The following SPHKAP variants were observed in gnomAD, a reference collection of about 807,000 sequenced individuals.
SPHKAP encodes SPHK1 interactor, AKAP domain containing, also known as A-kinase anchor protein SPHKAP.
Under a neutral mutation model 137.5 loss-of-function variants are expected in SPHKAP, and 67 were observed. The ratio of observed to expected loss-of-function variants is 0.49; its 90% CI spans 0.40 to 0.60. The LOEUF (loss-of-function observed/expected upper bound fraction) is 0.60. SPHKAP is among the 20% of genes least tolerant of loss of function. The pLI is 0.00. For missense variants in SPHKAP, 2,097 were observed against 2,069.3 expected, an observed-to-expected ratio of 1.01 and a Z score of -0.26; for synonymous variants, 813 against 785.3, an observed-to-expected ratio of 1.04 and a Z score of -0.59.
Position 228,006,541 on chromosome 2 carries a change from G to A in SPHKAP, c.4448+9865C>T, listed in dbSNP as rs190050230. On this transcript the variant is annotated intron_variant, in intron 7 of 11. Coordinates refer to ENST00000392056, the MANE Select transcript of SPHKAP (RefSeq NM_001142644.2). ...GTCTGAAGCCTTCTTCTCTCATCTCGTCAAAGTCATTCTCCGTCCAGCTTT... is the reference window on the plus strand; with the variant it reads ...GTCTGAAGCCTTCTTCTCTCATCTCATCAAAGTCATTCTCCGTCCAGCTTT... Among the ~76,000 whole-genome samples the A allele has an allele frequency of 3.4e-3, 518 of 152,198 alleles. 2 individuals are homozygous for A. The highest frequency in any genetic ancestry group is 0.014 in the Middle Eastern group (4 of 294).
chr2:227,990,880 G>T, intron 11 of SPHKAP, 120 bp downstream of exon 11: 1 of 999,684 alleles, frequency 1.0e-6, no homozygotes, highest in Non-Finnish European at 1.5e-6. Flanking sequence ...GCAATTTTAA[G>T]ATCAAGAACA....
chr2:228,007,940 C>G (rs906492792), intron 7 of SPHKAP, among the ~76,000 whole-genome samples: 1 of 152,028 alleles, frequency 6.6e-6, no homozygotes, highest in Non-Finnish European at 1.5e-5. Flanking sequence ...AATGTAAGGA[C>G]TAAAAGTATA....
intron 3 of SPHKAP, among the ~76,000 whole-genome samples, chr2:228,047,755 CTGTT>C (rs1298854947): frequency 2.0e-5 from 3 of 151,852 alleles, no homozygotes; most frequent in East Asian, 3.9e-4. Context: ...ACTAGTCTAA[CTGTT>C]TGATGATCTG....
At chr2:228,016,015 A>G (rs1187714858) in intron 7 of SPHKAP, among the ~76,000 whole-genome samples, 1 of 152,230 alleles carries the variant, frequency 6.6e-6, no homozygotes, top group Non-Finnish European at 1.5e-5. Flanking sequence ...TGAATTTTAA[A>G]AGGTAGGAAA....
intron 1 of SPHKAP, among the ~76,000 whole-genome samples, chr2:228,158,391 A>G (rs1382089693): frequency 1.3e-5 from 2 of 148,262 alleles, no homozygotes; most frequent in Non-Finnish European, 3.0e-5. Context: ...CAAGAGAGCA[A>G]TTGCATCCCA....
intron 3 of SPHKAP, among the ~76,000 whole-genome samples, chr2:228,068,394 T>C (rs1318209227): frequency 6.6e-6 from 1 of 151,770 alleles, no homozygotes; most frequent in African/African-American, 2.4e-5. Context: ...AAAATATATA[T>C]GGAACCACAA....
intron 2 of SPHKAP, among the ~76,000 whole-genome samples, chr2:228,121,559 C>T (rs1007306616): frequency 2.1e-4 from 32 of 152,274 alleles, no homozygotes; most frequent in African/African-American, 7.2e-4. Context: ...TTTTCTCTGA[C>T]TCTTCTCTTC....
intron 3 of SPHKAP, among the ~76,000 whole-genome samples, chr2:228,103,560 G>T (rs575222196): frequency 6.6e-6 from 1 of 152,298 alleles, no homozygotes; most frequent in African/African-American, 2.4e-5. Flanking sequence ...CCTCTCTGGT[G>T]GGGGCTGGGA....
At position 227,995,197 on chromosome 2, in the gene SPHKAP, C is replaced by T. The variant is rs141802945; in HGVS notation, c.4634+312G>A. 4.6e-5 allele frequency among the ~76,000 whole-genome samples: 7 copies of T among 152,284 alleles called. No individual in the cohort carries two copies. The East Asian group carries it at 1.4e-3, about 29-fold the overall frequency. ...ACCAGAGACAGAGTATCAAACACACCAGGTGTAAAAGCAGCTCACCATTTA... is the reference window on the plus strand; with the variant it reads ...ACCAGAGACAGAGTATCAAACACACTAGGTGTAAAAGCAGCTCACCATTTA... On this transcript the variant is annotated intron_variant, in intron 8 of 11. Coordinates refer to ENST00000392056, the MANE Select transcript of SPHKAP (RefSeq NM_001142644.2).
At chr2:228,176,374 T>A (rs547746161) in intron 1 of SPHKAP, among the ~76,000 whole-genome samples, 2 of 151,994 alleles carry the variant, frequency 1.3e-5, no homozygotes, top group Non-Finnish European at 1.5e-5. Context: ...CAAGGGAGAG[T>A]CCCTGCTACA....
chr2:228,093,803 T>G (rs1697888665), intron 3 of SPHKAP, among the ~76,000 whole-genome samples: 1 of 128,006 alleles, frequency 7.8e-6, no homozygotes. Context: ...GAGGTTGCAG[T>G]GAGCCGAGAT....
chr2:228,178,625 C>G (rs1246727822), intron 1 of SPHKAP, among the ~76,000 whole-genome samples: 2 of 151,994 alleles, frequency 1.3e-5, no homozygotes, highest in African/African-American at 4.8e-5. Context: ...GAACCTCTAT[C>G]AGCGATTTTA....
intron 3 of SPHKAP, among the ~76,000 whole-genome samples, chr2:228,090,576 A>T (rs1697693652): frequency 6.6e-6 from 1 of 152,164 alleles, no homozygotes; most frequent in African/African-American, 2.4e-5. Context: ...TATAGTTTGG[A>T]TGTTTATCCC....
At chr2:228,063,391 A>C (rs1559154009) in intron 3 of SPHKAP, among the ~76,000 whole-genome samples, 1 of 152,186 alleles carries the variant, frequency 6.6e-6, no homozygotes, top group Non-Finnish European at 1.5e-5. Context: ...GAGAGGGTGA[A>C]TAGTTTACTG....
At chr2:228,038,539 C>T (rs1029525574) in intron 3 of SPHKAP, among the ~76,000 whole-genome samples, 10 of 152,302 alleles carry the variant, frequency 6.6e-5, no homozygotes, top group African/African-American at 2.2e-4. Context: ...TTACTGTGCT[C>T]TTATTGCATT....
chr2:228,097,232 G>C (rs558651460), intron 3 of SPHKAP, among the ~76,000 whole-genome samples: 1 of 152,204 alleles, frequency 6.6e-6, no homozygotes, highest in South Asian at 2.1e-4. Context: ...GAAACTTGAA[G>C]CTATTCTGAG....
chr2:228,174,324 C>T (rs77816442), intron 1 of SPHKAP, among the ~76,000 whole-genome samples: 14,805 of 150,874 alleles, frequency 0.098, 824 homozygotes, highest in East Asian at 0.2. Flanking sequence ...TTCTCATATG[C>T]TTCAATGACG....
Position 228,018,919 on chromosome 2 carries a change from C to T in SPHKAP, c.1935G>A (p.Arg645=). 2 of 1,614,142 alleles carry T rather than the reference C, an allele frequency of 1.2e-6. No individual in the cohort carries two copies. Among genetic ancestry groups the T allele is most frequent in the Non-Finnish European group, 1.7e-6 (2 of 1,180,006 alleles). Residue 645 remains arginine (R), a synonymous_variant, in exon 7 of 12, where the codon AGG becomes AGA. Coordinates refer to ENST00000392056, the MANE Select transcript of SPHKAP (RefSeq NM_001142644.2). The stretch of plus-strand genomic sequence containing the variant: ...ACTTTGAAGCAGTTTCCATGATTCT[C>T]CTGTTCATGGAGTCCAGAAAGTCTC... The part of the protein sequence containing the change: ...SIGDFLDSMN[R]RIMETASKSQ...
intron 3 of SPHKAP, among the ~76,000 whole-genome samples, chr2:228,108,228 C>T (rs1698404218): frequency 6.6e-6 from 1 of 152,138 alleles, no homozygotes; most frequent in Non-Finnish European, 1.5e-5. Context: ...TTTTCTCTAA[C>T]ATATAGGAAG....
Sources: allele counts gnomAD v4.1 joint callset (sites outside exome capture counted in the v4.1 genomes callset), GRCh38; gene constraint gnomAD v4.1.1; transcripts MANE v1.5; gene names NCBI Gene and HGNC (gene_info 2026-07-23, HGNC 2026-07-21).